Variants in NCAM1 observed in about 807,000 individuals in gnomAD.
NCAM1 encodes the protein neural cell adhesion molecule 1, also known as antigen recognized by monoclonal antibody 5.1H11.
NCAM1 carries 14 observed loss-of-function variants against 109.8 expected under a neutral mutation model. That is an observed-to-expected ratio of 0.13 (90% CI 0.08 to 0.20). The LOEUF (loss-of-function observed/expected upper bound fraction) is 0.20. Ranked by LOEUF, NCAM1 falls within the 10% of genes least tolerant of loss-of-function variation. The probability of loss-of-function intolerance (pLI) is 1.00; values close to 1 mark genes in which losing one functional copy is unlikely to be tolerated. For missense variants in NCAM1, 774 were observed against 1,109.9 expected (o/e 0.70, Z 4.30); for synonymous variants, 418 against 442.9 (o/e 0.94, Z 0.70).
intron 15 of NCAM1, among the ~76,000 whole-genome samples, chr11:113,252,283 G>A (rs1945702771): frequency 6.6e-6 from 1 of 151,936 alleles, no homozygotes; most frequent in South Asian, 2.1e-4. Context: ...GCATGTGCCT[G>A]TGGTCCTAGC....
intron 17 of NCAM1, among the ~76,000 whole-genome samples, chr11:113,265,671 C>A (rs1339782518): frequency 6.6e-6 from 1 of 152,186 alleles, no homozygotes; most frequent in Non-Finnish European, 1.5e-5. Flanking sequence ...GACCAGCCAT[C>A]TGTTTAGCTG....
intron 1 of NCAM1, among the ~76,000 whole-genome samples, chr11:113,186,533 CAAAG>C (rs1943513760): frequency 6.6e-6 from 1 of 152,186 alleles, no homozygotes; most frequent in Non-Finnish European, 1.5e-5. Context: ...TATAGGATCA[CAAAG>C]GAAGAATTGA....
intron 1 of NCAM1, among the ~76,000 whole-genome samples, chr11:113,099,986 C>T (rs1345538933): frequency 6.6e-6 from 1 of 152,130 alleles, no homozygotes; most frequent in African/African-American, 2.4e-5. Context: ...GCTCCCAGCC[C>T]CAGGGCTTTT....
intron 17 of NCAM1, chr11:113,260,537 GA>G: frequency 1.9e-6 from 1 of 539,944 alleles, no homozygotes; most frequent in Non-Finnish European, 3.2e-6. Flanking sequence ...GCATCCTGGA[GA>G]AAAGGTCCTG....
intron 1 of NCAM1, among the ~76,000 whole-genome samples, chr11:113,189,518 A>C (rs1472177349): frequency 6.6e-6 from 1 of 151,736 alleles, no homozygotes; most frequent in Non-Finnish European, 1.5e-5. Flanking sequence ...AAGGAGACTT[A>C]GCTGCCATCT....
rs1308832737 is a variant in NCAM1 at position 112,962,780 on chromosome 11, G to A, written c.52+1116G>A. 1.3e-5 allele frequency among the ~76,000 whole-genome samples: 2 copies of A among 152,086 alleles called. No homozygotes were observed. Among genetic ancestry groups the A allele is most frequent in the Admixed American group, 6.5e-5 (1 of 15,278 alleles). ...CTGTCATCCCCCCACCTCCACCCAA[G>A]GATTTGCGCTTTGGCTCTGATGGAC... On this transcript the variant is annotated intron_variant, in intron 1 of 19. Coordinates refer to ENST00000316851, the MANE Select transcript of NCAM1 (RefSeq NM_181351.5). This position sits in a 1 kb window ranked among gnomAD's most constrained non-coding sequence, Gnocchi z 5.6.
intron 1 of NCAM1, among the ~76,000 whole-genome samples, chr11:113,033,627 G>A (rs1296353964): frequency 2.6e-5 from 4 of 152,202 alleles, no homozygotes; most frequent in African/African-American, 9.6e-5. Flanking sequence ...AAGCCATATG[G>A]CTGTGGATCT....
intron 1 of NCAM1, among the ~76,000 whole-genome samples, chr11:113,044,908 G>T (rs1953211628): frequency 6.6e-6 from 1 of 151,838 alleles, no homozygotes; most frequent in Admixed American, 6.5e-5. Context: ...CACCCGCCAC[G>T]ACGCCTGGCT....
chr11:113,168,955 T>C (rs1360484943), intron 1 of NCAM1, among the ~76,000 whole-genome samples: 1 of 152,066 alleles, frequency 6.6e-6, no homozygotes, highest in Non-Finnish European at 1.5e-5. Context: ...GAGGTCTTTA[T>C]TGCATGAACG....
chr11:113,108,839 G>A (rs1245728164), intron 1 of NCAM1, among the ~76,000 whole-genome samples: 2 of 148,868 alleles, frequency 1.3e-5, no homozygotes, highest in Non-Finnish European at 3.0e-5. Flanking sequence ...GCAGTGGCGC[G>A]ATCTTGGCTC....
intron 1 of NCAM1, among the ~76,000 whole-genome samples, chr11:113,032,894 T>G (rs1952765701): frequency 2.0e-5 from 3 of 152,244 alleles, no homozygotes; most frequent in Admixed American, 2.0e-4. Flanking sequence ...CTAAATGAAA[T>G]GACTTGATTT....
At chr11:113,100,924 C>T (rs1489697717) in intron 1 of NCAM1, among the ~76,000 whole-genome samples, 6 of 152,144 alleles carry the variant, frequency 3.9e-5, no homozygotes, top group South Asian at 4.2e-4. Context: ...TCTGTGATGG[C>T]TTCTGTAGAA....
intron 1 of NCAM1, among the ~76,000 whole-genome samples, chr11:113,128,149 T>G (rs137907351): frequency 3.9e-5 from 6 of 152,162 alleles, no homozygotes; most frequent in Non-Finnish European, 8.8e-5. Flanking sequence ...AACCACACTT[T>G]CTTTCCAACA....
chr11:113,275,669 C>T lies in NCAM1; in HGVS notation c.*282C>T, dbSNP rs140960623. 147 of 263,810 alleles carry T rather than the reference C, an allele frequency of 5.6e-4. No homozygotes were observed. The highest frequency in any genetic ancestry group is 2.9e-3 in the African/African-American group (131 of 44,798). The allele number at this position is 263,810 out of a possible 1,614,324, so 16.3% of individuals were successfully genotyped here. ...AACCCACAGCCAAACTAGGACACTC[C>T]GTTCCCTGAAACCGTTAAAAAATCA... is the stretch of plus-strand genomic sequence containing the variant. On this transcript the variant is annotated 3_prime_UTR_variant, in exon 20 of 20. Transcript: ENST00000316851.
chr11:113,187,053 G>A (rs1391804584), intron 1 of NCAM1, among the ~76,000 whole-genome samples: 1 of 152,222 alleles, frequency 6.6e-6, no homozygotes, highest in East Asian at 1.9e-4. Flanking sequence ...CACCTTTGCA[G>A]GTTTGCCTCT....
intron 1 of NCAM1, among the ~76,000 whole-genome samples, chr11:113,008,724 T>G (rs957048418): frequency 2.0e-5 from 3 of 152,218 alleles, no homozygotes; most frequent in African/African-American, 7.2e-5. Context: ...TCTGTAGTGA[T>G]TTTAAATCAG....
At chr11:113,248,885 A>G (rs1945578112) in intron 15 of NCAM1, among the ~76,000 whole-genome samples, 1 of 152,210 alleles carries the variant, frequency 6.6e-6, no homozygotes, top group Admixed American at 6.5e-5. Context: ...CCAGAAAAGA[A>G]GAAGTGAGGA....
rs186928135 is a variant in NCAM1 at position 113,136,812 on chromosome 11, G to A, written c.53-65567G>A. Among the ~76,000 whole-genome samples the A allele has an allele frequency of 2.1e-3, 318 of 152,286 alleles. 4 individuals carry two copies. Among genetic ancestry groups the A allele is most frequent in the Non-Finnish European group, 6.8e-4 (46 of 68,026 alleles). On this transcript the variant is annotated intron_variant, in intron 1 of 19. Transcript: ENST00000316851. Reference sequence around the variant, plus strand: ...TAATCCTGAGCCTTGGAATGGAAAGGGAAGGCCGGCAATAGACAACAGAGG... The same window carrying A: ...TAATCCTGAGCCTTGGAATGGAAAGAGAAGGCCGGCAATAGACAACAGAGG...
chr11:113,118,634 G>T (rs1555095397), intron 1 of NCAM1, among the ~76,000 whole-genome samples: 1 of 151,910 alleles, frequency 6.6e-6, no homozygotes. Flanking sequence ...CCAGTGCCTG[G>T]CCCGATTCGT....
Sources: allele counts gnomAD v4.1 joint callset (sites outside exome capture counted in the v4.1 genomes callset), GRCh38; gene constraint gnomAD v4.1.1; non-coding constraint Gnocchi (gnomAD v3.1); transcripts MANE v1.5; gene names NCBI Gene and HGNC (gene_info 2026-07-23, HGNC 2026-07-21).